Variants in EFCAB6 observed in about 807,000 individuals in gnomAD.
EFCAB6 encodes the protein EF-hand calcium-binding domain-containing protein 6.
EFCAB6 carries 156 observed loss-of-function variants against 169.8 expected under a neutral mutation model. That is an observed-to-expected ratio of 0.92 (90% confidence interval 0.81 to 1.05). The LOEUF (loss-of-function observed/expected upper bound fraction) is 1.05. EFCAB6 is among the 50% of genes least tolerant of loss of function. The pLI is 0.00. For synonymous variants in EFCAB6, 698 were observed against 676.4 expected (o/e 1.03, Z -0.50); for missense variants, 1,800 against 1,829.1 (o/e 0.98, Z 0.29).
At chr22:43,729,171 G>A (rs1359034231) in intron 8 of EFCAB6, among the ~76,000 whole-genome samples, 1 of 152,188 alleles carries the variant, frequency 6.6e-6, no homozygotes, top group Non-Finnish European at 1.5e-5. Context: ...TCATTACCAT[G>A]GGGAGGGCAC....
chr22:43,617,091 G>A (rs574708281), intron 20 of EFCAB6, among the ~76,000 whole-genome samples: 5 of 152,226 alleles, frequency 3.3e-5, no homozygotes, highest in Non-Finnish European at 5.9e-5. Flanking sequence ...ACTGCCTACC[G>A]GACTCTGCAG....
intron 3 of EFCAB6, among the ~76,000 whole-genome samples, chr22:43,779,668 A>G (rs1029567916): frequency 2.0e-5 from 3 of 152,148 alleles, no homozygotes; most frequent in African/African-American, 4.8e-5. Flanking sequence ...TGAACCCAGG[A>G]GACGGAGCTT....
Position 43,631,228 on chromosome 22 carries a change from C to T in EFCAB6, c.2232+877G>A, listed in dbSNP as rs2054918452. The stretch of plus-strand genomic sequence containing the variant: ...CGGGGTGAGGATGCAGTCTAACTCC[C>T]TGATACCCTCGGCCCTGTCTCGGGG... On this transcript the variant is annotated intron_variant, in intron 19 of 31. Transcript: ENST00000262726. Among the ~76,000 whole-genome samples the T allele has an allele frequency of 4.0e-5, 6 of 151,712 alleles. No homozygotes were observed. In the South Asian group the frequency reaches 1.3e-3, roughly 32 times the overall value.
intron 6 of EFCAB6, among the ~76,000 whole-genome samples, chr22:43,745,083 C>T (rs79866304): frequency 0.098 from 14,977 of 152,242 alleles, 809 homozygotes; most frequent in South Asian, 0.18. Flanking sequence ...AGAAATCAAA[C>T]TGCTTCATAT....
chr22:43,598,310 G>GAAAAAAAAAAAAAAAAAAAAAAAAAAAAA (rs1402967848), intron 23 of EFCAB6, among the ~76,000 whole-genome samples: 1 of 57,660 alleles, frequency 1.7e-5, no homozygotes, highest in South Asian at 9.3e-4. Context: ...ACTGTCTCCG[G>GAAAAAAAAAAAAAAAAAAAAAAAAAAAAA]GAAAAAAAAA....
At chr22:43,588,852 T>C (rs1410354601) in intron 24 of EFCAB6, among the ~76,000 whole-genome samples, 7 of 152,032 alleles carry the variant, frequency 4.6e-5, no homozygotes, top group African/African-American at 1.2e-4. Context: ...AAAAGTGCTA[T>C]GTAGAAAAGA....
At position 43,580,475 on chromosome 22, in the gene EFCAB6, C is replaced by G; in HGVS notation, c.3217G>C (p.Ala1073Pro). 6.2e-7 allele frequency: 1 copy of G among 1,613,950 alleles called. No individual in the cohort carries two copies. The highest frequency in any genetic ancestry group is 8.5e-7 in the Non-Finnish European group (1 of 1,179,958). The change falls in exon 25 of 32, where the codon GCT becomes CCT. Residue 1073 changes from alanine to proline, a missense_variant. By Grantham distance (27) the Ala-to-Pro change is conservative (BLOSUM62 -1). Coordinates refer to ENST00000262726, the MANE Select transcript of EFCAB6 (RefSeq NM_022785.4). ...IQEVVESSQL[A>P]LSTAFSALDK... ...TCAGCCTGTCATACCGTGGACAAAG[C>G]CAGCTGGGAGGACTCAACTACTTCC...
At chr22:43,782,029 T>C (rs2061838123) in intron 3 of EFCAB6, 151 bp downstream of exon 3, 2 of 763,392 alleles carry the variant, frequency 2.6e-6, no homozygotes, top group East Asian at 5.6e-5. Flanking sequence ...AATTTCCCCA[T>C]ATAGAAAACA....
chr22:43,752,034 A>C (rs1372301974), intron 6 of EFCAB6, among the ~76,000 whole-genome samples: 2 of 151,720 alleles, frequency 1.3e-5, no homozygotes, highest in Admixed American at 6.6e-5. Flanking sequence ...ACCAGCCAAG[A>C]GGGGTCCCTT....
At chr22:43,730,209 G>C (rs1220797144) in intron 8 of EFCAB6, among the ~76,000 whole-genome samples, 1 of 120,476 alleles carries the variant, frequency 8.3e-6, no homozygotes, top group Non-Finnish European at 1.7e-5. Flanking sequence ...AAAGAGAGGA[G>C]AGGAGAGGAA....
chr22:43,638,458 C>T (rs914043503), intron 17 of EFCAB6, among the ~76,000 whole-genome samples: 10 of 152,138 alleles, frequency 6.6e-5, no homozygotes, highest in African/African-American at 1.7e-4. Flanking sequence ...GATTGTAGAC[C>T]GACTCTTCCC....
intron 23 of EFCAB6, among the ~76,000 whole-genome samples, chr22:43,596,259 G>C (rs2147474720): frequency 6.6e-6 from 1 of 152,082 alleles, no homozygotes; most frequent in Non-Finnish European, 1.5e-5. Flanking sequence ...AATTAAGCAA[G>C]AGAAAGAAAT....
chr22:43,689,524 T>A (rs760246169), intron 10 of EFCAB6, among the ~76,000 whole-genome samples: 5 of 152,096 alleles, frequency 3.3e-5, no homozygotes, highest in Non-Finnish European at 7.4e-5. Flanking sequence ...TCTGCCTTCA[T>A]CAAATGTGAA....
intron 2 of EFCAB6, among the ~76,000 whole-genome samples, chr22:43,799,599 TA>T (rs1402533246): frequency 2.0e-5 from 3 of 152,222 alleles, no homozygotes; most frequent in Non-Finnish European, 4.4e-5. Flanking sequence ...ACTAATTTTA[TA>T]ACCTTTATGT....
chr22:43,673,106 G>A (rs1198359448), intron 13 of EFCAB6, among the ~76,000 whole-genome samples: 1 of 152,108 alleles, frequency 6.6e-6, no homozygotes, highest in Non-Finnish European at 1.5e-5. Context: ...AGGTATTTTT[G>A]TCTCAAGGTA....
intron 6 of EFCAB6, among the ~76,000 whole-genome samples, chr22:43,737,277 G>A (rs959797367): frequency 3.3e-5 from 5 of 151,734 alleles, no homozygotes; most frequent in Admixed American, 6.6e-5. Flanking sequence ...CATCATCACT[G>A]TCACACACAC....
chr22:43,699,429 C>T (rs1286784230), intron 10 of EFCAB6, among the ~76,000 whole-genome samples: 1 of 152,156 alleles, frequency 6.6e-6, no homozygotes, highest in Admixed American at 6.5e-5. Context: ...TCCTGGCTTC[C>T]CCCTGTTCGT....
intron 6 of EFCAB6, among the ~76,000 whole-genome samples, chr22:43,754,358 G>A (rs551674993): frequency 6.6e-6 from 1 of 152,168 alleles, no homozygotes; most frequent in Admixed American, 6.5e-5. Context: ...GGAAACCCAG[G>A]TCTGCCCGGG....
At chr22:43,670,294 G>A (rs1402185575) in intron 15 of EFCAB6, among the ~76,000 whole-genome samples, 1 of 152,124 alleles carries the variant, frequency 6.6e-6, no homozygotes, top group Non-Finnish European at 1.5e-5. Flanking sequence ...CTCCATATGA[G>A]AAACACCTTT....
Sources: gnomAD v4.1 joint callset for allele counts (sites outside exome capture counted in the v4.1 genomes callset) on GRCh38, gnomAD v4.1.1 for gene constraint, MANE v1.5 for transcripts, NCBI Gene and HGNC (gene_info 2026-07-23, HGNC 2026-07-21) for gene names.